GAB2: variants seen among roughly 807,000 people sequenced by gnomAD.
GAB2 encodes GRB2 associated binding protein 2, also known as GRB2-associated-binding protein 2.
Under a neutral mutation model 65.5 loss-of-function variants are expected in GAB2, and 26 were observed. The ratio of observed to expected loss-of-function variants is 0.40; its 90% CI spans 0.29 to 0.55. The LOEUF (loss-of-function observed/expected upper bound fraction) is 0.55. Among genes scored for constraint, GAB2 ranks in the 20% least tolerant of loss-of-function variants. The pLI, the probability that GAB2 is intolerant of heterozygous loss-of-function variation, is 0.53. For missense variants in GAB2, 884 were observed against 875.8 expected (o/e 1.01, Z -0.12); for synonymous variants, 321 against 329.6 (o/e 0.97, Z 0.28).
chr11:78,409,398 A>G (rs531231333), intron 1 of GAB2, among the ~76,000 whole-genome samples: 176 of 152,338 alleles, frequency 1.2e-3, no homozygotes, highest in African/African-American at 4.0e-3. Flanking sequence ...CAGTCTGGCC[A>G]ACATGGAGAA....
intron 3 of GAB2, among the ~76,000 whole-genome samples, chr11:78,230,397 A>T (rs764860590): frequency 2.2e-4 from 34 of 152,248 alleles, no homozygotes; most frequent in Non-Finnish European, 1.0e-4. Flanking sequence ...TCCTTGATAC[A>T]TCAACACCTT....
chr11:78,332,324 CT>C (rs1443252563), intron 1 of GAB2, among the ~76,000 whole-genome samples: 1 of 152,196 alleles, frequency 6.6e-6, no homozygotes, highest in Non-Finnish European at 1.5e-5. Context: ...AGGCTTGGGA[CT>C]TTCCCTGCCC....
chr11:78,231,538 C>T lies in GAB2; in HGVS notation c.621-4487G>A, dbSNP rs141491208. On this transcript the variant is annotated intron_variant, in intron 3 of 9. Transcript: ENST00000361507. ...CTAATTTTTGTATATTTAGTAGAGA[C>T]GGGGTTTCATCATATCGGCCATGCT... is the stretch of plus-strand genomic sequence containing the variant. Among the ~76,000 whole-genome samples the T allele has an allele frequency of 3.0e-3, 458 of 152,228 alleles. 2 individuals are homozygous for T. The highest frequency in any genetic ancestry group is 0.01 in the African/African-American group (423 of 41,540).
chr11:78,220,993 G>A (rs1478493679), intron 8 of GAB2, among the ~76,000 whole-genome samples: 1 of 152,166 alleles, frequency 6.6e-6, no homozygotes, highest in Admixed American at 6.5e-5. Flanking sequence ...GCTCCTCCAA[G>A]ATCTGAAGAG....
chr11:78,326,341 T>G (rs1470353698), intron 1 of GAB2, among the ~76,000 whole-genome samples: 1 of 152,166 alleles, frequency 6.6e-6, no homozygotes, highest in Non-Finnish European at 1.5e-5. Flanking sequence ...AATGCAAACA[T>G]TACTTAAGGT....
intron 1 of GAB2, among the ~76,000 whole-genome samples, chr11:78,405,159 C>A (rs900454651): frequency 1.5e-5 from 2 of 136,382 alleles, no homozygotes; most frequent in Admixed American, 1.7e-4. Context: ...AATGCAGTGG[C>A]GCAATCTCGG....
chr11:78,315,454 G>C (rs1246159720), intron 1 of GAB2, among the ~76,000 whole-genome samples: 1 of 151,980 alleles, frequency 6.6e-6, no homozygotes, highest in Non-Finnish European at 1.5e-5. Context: ...AATGGTGCTG[G>C]GAAAACTGGA....
intron 1 of GAB2, among the ~76,000 whole-genome samples, chr11:78,362,343 T>C (rs1467808651): frequency 6.6e-6 from 1 of 152,132 alleles, no homozygotes; most frequent in African/African-American, 2.4e-5. Context: ...GTATTATCTA[T>C]TAAATTTAAA....
At chr11:78,314,772 A>G (rs1022985197) in intron 1 of GAB2, among the ~76,000 whole-genome samples, 22 of 152,198 alleles carry the variant, frequency 1.4e-4, no homozygotes, top group African/African-American at 5.3e-4. Flanking sequence ...AAGGAACAAA[A>G]ACTGTCGGTT....
chr11:78,334,556 G>C (rs1357158167), intron 1 of GAB2, among the ~76,000 whole-genome samples: 3 of 152,170 alleles, frequency 2.0e-5, no homozygotes, highest in African/African-American at 7.2e-5. Context: ...ATGATCTCTA[G>C]TTCCATCCAT....
chr11:78,390,710 C>T (rs1856823728), intron 1 of GAB2, among the ~76,000 whole-genome samples: 1 of 152,148 alleles, frequency 6.6e-6, no homozygotes, highest in Admixed American at 6.5e-5. Context: ...GCACATCACT[C>T]CGAAAGACAG....
At chr11:78,346,925 C>A (rs890269484) in intron 1 of GAB2, among the ~76,000 whole-genome samples, 5 of 151,202 alleles carry the variant, frequency 3.3e-5, no homozygotes, top group African/African-American at 1.2e-4. Context: ...CCTAGTATGA[C>A]CAGAGCATCT....
At chr11:78,402,552 C>T (rs1342822291) in intron 1 of GAB2, among the ~76,000 whole-genome samples, 7 of 147,664 alleles carry the variant, frequency 4.7e-5, no homozygotes, top group Admixed American at 1.4e-4. Context: ...GCCTCAGCCG[C>T]ACCCCCCCAC....
At chr11:78,407,698 AAAG>A in intron 1 of GAB2, among the ~76,000 whole-genome samples, 1 of 125,420 alleles carries the variant, frequency 8.0e-6, no homozygotes, top group Non-Finnish European at 1.7e-5. Context: ...AGAAAGAAAG[AAAG>A]AGATGGCATT....
intron 3 of GAB2, among the ~76,000 whole-genome samples, chr11:78,247,751 A>G (rs1289290962): frequency 6.6e-6 from 1 of 152,224 alleles, no homozygotes; most frequent in African/African-American, 2.4e-5. Context: ...TAGGTTTAGC[A>G]TGATGCGAGC....
intron 3 of GAB2, among the ~76,000 whole-genome samples, chr11:78,233,989 T>G (rs1458213765): frequency 1.3e-5 from 2 of 152,230 alleles, no homozygotes; most frequent in Non-Finnish European, 2.9e-5. Flanking sequence ...AACTACAGTT[T>G]TTTCTCTTTT....
chr11:78,282,057 T>C (rs998552075), intron 1 of GAB2, among the ~76,000 whole-genome samples: 5 of 152,228 alleles, frequency 3.3e-5, no homozygotes, highest in Non-Finnish European at 7.3e-5. Context: ...GTCTTGTTCA[T>C]TGATGTTTCC....
At chr11:78,311,278 A>G (rs1489556570) in intron 1 of GAB2, among the ~76,000 whole-genome samples, 1 of 152,212 alleles carries the variant, frequency 6.6e-6, no homozygotes, top group Non-Finnish European at 1.5e-5. Context: ...GGTCAGCTTC[A>G]TTACTTAAGA....
At chr11:78,303,547 G>C (rs1194345452) in intron 1 of GAB2, among the ~76,000 whole-genome samples, 1 of 152,118 alleles carries the variant, frequency 6.6e-6, no homozygotes, top group East Asian at 1.9e-4. Flanking sequence ...TCAGTATCAT[G>C]CTGTCTCAAT....
Sources: gnomAD v4.1 joint callset for allele counts (sites outside exome capture counted in the v4.1 genomes callset) on GRCh38, gnomAD v4.1.1 for gene constraint, MANE v1.5 for transcripts, NCBI Gene and HGNC (gene_info 2026-07-23, HGNC 2026-07-21) for gene names.